Variants in AUTS2 observed in about 807,000 individuals in gnomAD.
AUTS2 encodes activator of transcription and developmental regulator AUTS2.
AUTS2 carries 17 observed loss-of-function variants against 112.4 expected under a neutral mutation model. That is an observed-to-expected ratio of 0.15 (90% CI 0.10 to 0.23). The LOEUF (loss-of-function observed/expected upper bound fraction) is 0.23, where lower values mean the gene tolerates loss of function less well. Among genes scored for constraint, AUTS2 ranks in the 10% least tolerant of loss-of-function variants. The pLI is 1.00. For synonymous variants in AUTS2, 751 were observed against 702.7 expected, an observed-to-expected ratio of 1.07 and a Z score of -1.09; for missense variants, 1,510 against 1,701.6, an observed-to-expected ratio of 0.89 and a Z score of 1.98.
At chr7:69,983,942 G>T (rs1220192478) in intron 2 of AUTS2, among the ~76,000 whole-genome samples, 1 of 152,108 alleles carries the variant, frequency 6.6e-6, no homozygotes, top group African/African-American at 2.4e-5. Context: ...ATAAAATACT[G>T]TGATTCATCA....
chr7:69,985,485 T>C (rs1798472846), intron 2 of AUTS2, among the ~76,000 whole-genome samples: 1 of 152,208 alleles, frequency 6.6e-6, no homozygotes, highest in African/African-American at 2.4e-5. Flanking sequence ...GGTTACATTA[T>C]AGCATTCTCC....
chr7:70,513,666 C>CTTT lies in AUTS2; in HGVS notation c.690+77899_690+77901dup, dbSNP rs35815016. ...TAGAAATCATCTACTTTTCTGTTTC[C>CTTT]TTTTTTTTTTTTTTTTGAGATGGAG... On this transcript the variant is annotated intron_variant, in intron 5 of 18. Transcript: ENST00000342771. Among the ~76,000 whole-genome samples the CTTT allele has an allele frequency of 4.3e-5, 6 of 140,426 alleles. 1 individual carries two copies. The highest frequency in any genetic ancestry group is 4.7e-5 in the Non-Finnish European group (3 of 64,320). The allele number at this position is 140,426 out of a possible 152,430, so 92.1% of individuals were successfully genotyped here. A position where few individuals can be genotyped will look rare whatever the true frequency, so the allele number is the denominator to read the frequency against.
rs1797723937 is a variant in AUTS2 at position 69,699,667 on chromosome 7, G to A, written c.309+99705G>A. 2.4e-5 allele frequency among the ~76,000 whole-genome samples: 3 copies of A among 125,380 alleles called. No homozygotes were observed. The South Asian group carries it at 8.0e-4, about 33-fold the overall frequency. 82.3% of individuals were successfully genotyped at this position (125,380 alleles called of 152,430 possible). On this transcript the variant is annotated intron_variant, in intron 1 of 18. Coordinates refer to ENST00000342771, the MANE Select transcript of AUTS2 (RefSeq NM_015570.4). ...TTTTTTTTTTTTTTTTTTTTCCCGAGACAGAATCTCACTCTTGCCCAGGCT... is the reference window on the plus strand; with the variant it reads ...TTTTTTTTTTTTTTTTTTTTCCCGAAACAGAATCTCACTCTTGCCCAGGCT...
chr7:70,709,899 G>A (rs1332716319), intron 6 of AUTS2, among the ~76,000 whole-genome samples: 2 of 152,164 alleles, frequency 1.3e-5, no homozygotes, highest in African/African-American at 4.8e-5. Flanking sequence ...CTCCTCTTCA[G>A]GAGATTGCAT....
chr7:69,874,890 C>T lies in AUTS2; in HGVS notation c.310-24396C>T, dbSNP rs957700058. Among the ~76,000 whole-genome samples the T allele has an allele frequency of 3.3e-5, 5 of 151,158 alleles. No individual in the cohort carries two copies. In the East Asian group the frequency reaches 5.8e-4, roughly 18 times the overall value. ...TTCACCATGTCGGCCAGGCTGGTCG[C>T]GAACTCTTGACCTCAGGTGTGAGCC... On this transcript the variant is annotated intron_variant, in intron 1 of 18. Coordinates refer to ENST00000342771, the MANE Select transcript of AUTS2 (RefSeq NM_015570.4).
At chr7:70,674,395 T>G (rs1405588910) in intron 5 of AUTS2, among the ~76,000 whole-genome samples, 1 of 152,206 alleles carries the variant, frequency 6.6e-6, no homozygotes, top group Non-Finnish European at 1.5e-5. Flanking sequence ...AAAATGAGAT[T>G]AGGCGCACTT....
At chr7:70,628,952 A>G (rs1164411055) in intron 5 of AUTS2, among the ~76,000 whole-genome samples, 1 of 152,080 alleles carries the variant, frequency 6.6e-6, no homozygotes, top group Non-Finnish European at 1.5e-5. Flanking sequence ...TTCCAGCTGA[A>G]TGTAAGGATG....
intron 2 of AUTS2, among the ~76,000 whole-genome samples, chr7:69,960,204 A>G (rs549037970): frequency 3.3e-5 from 5 of 152,344 alleles, no homozygotes; most frequent in African/African-American, 9.6e-5. Context: ...TTGCCTTAAA[A>G]AAGTATATAC....
rs763424098 is a variant in AUTS2 at position 69,891,774 on chromosome 7, C to CTTTTTTTTTTTTTTT, written c.310-7489_310-7475dup. On this transcript the variant is annotated intron_variant, in intron 1 of 18. Transcript: ENST00000342771. ...ATTCATTCACTTTCCAGACAGATAT[C>CTTTTTTTTTTTTTTT]TTTTTTTTTTTTTTTTTTTTTTTTT... 9.4e-4 allele frequency among the ~76,000 whole-genome samples: 25 copies of CTTTTTTTTTTTTTTT among 26,736 alleles called. 12 individuals carry two copies. The highest frequency in any genetic ancestry group is 4.4e-3 in the East Asian group (3 of 682). 17.5% of individuals were successfully genotyped at this position (26,736 alleles called of 152,430 possible).
At chr7:69,601,725 C>G (rs1792418498) in intron 1 of AUTS2, among the ~76,000 whole-genome samples, 1 of 152,054 alleles carries the variant, frequency 6.6e-6, no homozygotes, top group African/African-American at 2.4e-5. Flanking sequence ...TAGAATAATT[C>G]CAACTGTGGC....
rs57361163 is a variant in AUTS2 at position 69,787,973 on chromosome 7, C to T, written c.310-111313C>T. On this transcript the variant is annotated intron_variant, in intron 1 of 18. Transcript: ENST00000342771. ...ACAGATTTTTCAGAGGGGCATTATTCTCACTGGCATTCCTTCCCTCTTGCC... is the reference window on the plus strand; with the variant it reads ...ACAGATTTTTCAGAGGGGCATTATTTTCACTGGCATTCCTTCCCTCTTGCC... Among the ~76,000 whole-genome samples the T allele has an allele frequency of 3.3e-3, 501 of 152,304 alleles. 2 individuals are homozygous for T. The highest frequency in any genetic ancestry group is 0.012 in the African/African-American group (482 of 41,560).
chr7:69,986,450 A>G (rs1456808703), intron 2 of AUTS2, among the ~76,000 whole-genome samples: 1 of 152,252 alleles, frequency 6.6e-6, no homozygotes, highest in Non-Finnish European at 1.5e-5. Context: ...AGAAATTCAC[A>G]TCCAGGCTCA....
At chr7:70,413,104 C>G (rs750208137) in intron 4 of AUTS2, among the ~76,000 whole-genome samples, 6 of 152,220 alleles carry the variant, frequency 3.9e-5, no homozygotes, top group Non-Finnish European at 8.8e-5. Flanking sequence ...AACAGCTCCC[C>G]TTGTAGGCTC....
Position 70,708,851 on chromosome 7 carries a change from G to A in AUTS2, c.742+10231G>A, listed in dbSNP as rs536332223. On this transcript the variant is annotated intron_variant, in intron 6 of 18. Coordinates refer to ENST00000342771, the MANE Select transcript of AUTS2 (RefSeq NM_015570.4). The stretch of plus-strand genomic sequence containing the variant: ...GTTTTTGGCAGTGCCATAAAGATCT[G>A]TACATCACCTATCAATACAGTCCAC... Among the ~76,000 whole-genome samples the A allele has an allele frequency of 4.6e-5, 7 of 151,590 alleles. No individual in the cohort carries two copies. The South Asian group carries it at 1.5e-3, about 32-fold the overall frequency.
intron 1 of AUTS2, among the ~76,000 whole-genome samples, chr7:69,605,264 G>C (rs551451003): frequency 6.6e-6 from 1 of 152,322 alleles, no homozygotes; most frequent in Admixed American, 6.5e-5. Flanking sequence ...GAAGCTTGTA[G>C]TCGGTGCGTG....
At chr7:70,745,501 A>G (rs1221589966) in intron 6 of AUTS2, among the ~76,000 whole-genome samples, 1 of 152,200 alleles carries the variant, frequency 6.6e-6, no homozygotes, top group Non-Finnish European at 1.5e-5. Context: ...ACAGCTCCTC[A>G]TAACAATTCC....
At chr7:70,066,042 T>C (rs1330149650) in intron 2 of AUTS2, among the ~76,000 whole-genome samples, 2 of 152,206 alleles carry the variant, frequency 1.3e-5, no homozygotes, top group African/African-American at 2.4e-5. Context: ...AGTTGTGTGT[T>C]AGCAGCGATG....
At chr7:70,532,916 C>T (rs755835569) in intron 5 of AUTS2, among the ~76,000 whole-genome samples, 1 of 152,194 alleles carries the variant, frequency 6.6e-6, no homozygotes, top group Non-Finnish European at 1.5e-5. Flanking sequence ...ACACATTCCT[C>T]TGTTTTTTTG....
chr7:70,121,000 A>G (rs940997345), intron 3 of AUTS2, among the ~76,000 whole-genome samples: 6 of 152,214 alleles, frequency 3.9e-5, no homozygotes, highest in Admixed American at 3.3e-4. Flanking sequence ...AATATTAGAC[A>G]TACAGACCAA....
Sources: allele counts gnomAD v4.1 joint callset (sites outside exome capture counted in the v4.1 genomes callset), GRCh38; gene constraint gnomAD v4.1.1; transcripts MANE v1.5; gene names NCBI Gene and HGNC (gene_info 2026-07-23, HGNC 2026-07-21).